Variants in HAND1 observed in about 807,000 individuals in gnomAD.
The protein encoded by HAND1 is heart- and neural crest derivatives-expressed protein 1.
Under a neutral mutation model 14.5 loss-of-function variants are expected in HAND1, and 10 were observed. That is an observed-to-expected ratio of 0.69 (90% CI 0.42 to 1.17). The LOEUF is 1.17. HAND1 is among the 50% of genes most tolerant of loss of function. The pLI is 0.00. For missense variants in HAND1, 299 were observed against 298.4 expected, an observed-to-expected ratio of 1.00 and a Z score of -0.01; for synonymous variants, 128 against 127.1, an observed-to-expected ratio of 1.01 and a Z score of -0.05.
rs753714358 is a variant in HAND1 at position 154,477,718 on chromosome 5, GC to G, written c.290del (p.Gly97AlafsTer42). On this transcript the variant is annotated frameshift_variant, in exon 1 of 2. Transcript: ENST00000231121. LOFTEE classifies it high-confidence loss of function. ...ALGGRLGRRK[G>X]SGPKKERRRT... ...GTCTCCGCTCCTTCTTGGGTCCTGA[GC>G]CTTTCCGCCGGCCAAGACGGCCGCC... The G allele has an allele frequency of 6.2e-7, 1 of 1,613,764 alleles. No individual in the cohort carries two copies. The highest frequency in any genetic ancestry group is 1.1e-5 in the South Asian group (1 of 91,078).
Position 154,478,178 on chromosome 5 carries a change from T to G in HAND1, c.-170A>C. ...CGCAGCCCACTGTCTTCTTACCGGT[T>G]TCTGCCGCGGGCGAGGTCGCCGAAG... On this transcript the variant is annotated 5_prime_UTR_variant, in exon 1 of 2. Transcript: ENST00000231121. The surrounding 1 kb of genome is among the most constrained non-coding windows in gnomAD (Gnocchi z 4.5). 2.2e-5 allele frequency: 15 copies of G among 696,490 alleles called. No homozygotes were observed. The highest frequency in any genetic ancestry group is 2.9e-5 in the Non-Finnish European group (12 of 420,650). The allele number at this position is 696,490 out of a possible 1,614,324, so 43.1% of individuals were successfully genotyped here.
At position 154,477,624 on chromosome 5, in the gene HAND1, TG is replaced by T; in HGVS notation, c.384del (p.Lys129SerfsTer10). 6.2e-7 allele frequency: 1 copy of T among 1,614,206 alleles called. No individual in the cohort carries two copies. The highest frequency in any genetic ancestry group is 1.1e-5 in the South Asian group (1 of 91,084). On this transcript the variant is annotated frameshift_variant, in exon 1 of 2. Coordinates refer to ENST00000231121, the MANE Select transcript of HAND1 (RefSeq NM_004821.3). LOFTEE classifies it high-confidence loss of function. ...RECIPNVPAD[T>X]KLSKIKTLRL... ...CGCAGAGTCTTGATCTTGGAGAGCT[TG>T]GTGTCGGCCGGCACGTTGGGGATGC...
Position 154,477,949 on chromosome 5 carries a change from G to A in HAND1, c.60C>T (p.His20=). The part of the protein sequence containing the change: ...HHHHHHPHPA[H]PMLHEPFLFG... ...AGAGGAAGGGTTCGTGGAGCATGGG[G>A]TGCGCAGGGTGCGGGTGGTGATGGT... Residue 20 remains histidine (H), a synonymous_variant, in exon 1 of 2, where the codon CAC becomes CAT. Coordinates refer to ENST00000231121, the MANE Select transcript of HAND1 (RefSeq NM_004821.3). 4.4e-6 allele frequency: 7 copies of A among 1,598,460 alleles called. No individual in the cohort carries two copies. Among genetic ancestry groups the A allele is most frequent in the Non-Finnish European group, 5.9e-6 (7 of 1,179,874 alleles).
At chr5:154,476,626 C>T (rs1420993785) in intron 1 of HAND1, among the ~76,000 whole-genome samples, 2 of 152,126 alleles carry the variant, frequency 1.3e-5, no homozygotes, top group Non-Finnish European at 2.9e-5. Context: ...ACCACAGGCC[C>T]CCGCAGGTTG....
rs771047758 is a variant in HAND1 at position 154,477,600 on chromosome 5, G to T, written c.409C>A (p.Arg137Ser). 1 of 1,614,240 alleles carries T rather than the reference G, an allele frequency of 6.2e-7. No individual in the cohort carries two copies. Among genetic ancestry groups the T allele is most frequent in the Non-Finnish European group, 8.5e-7 (1 of 1,180,040 alleles). Residue 137 changes from arginine to serine, a missense_variant, in exon 1 of 2, where the codon CGC becomes AGC. Coordinates refer to ENST00000231121, the MANE Select transcript of HAND1 (RefSeq NM_004821.3). ...TAGGCGATGTAGCTGGTGGCTAGGC[G>T]CAGAGTCTTGATCTTGGAGAGCTTG... ...DTKLSKIKTL[R>S]LATSYIAYLM...
rs1463053457 is a variant in HAND1 at position 154,477,864 on chromosome 5, G to A, written c.145C>T (p.Pro49Ser). The A allele has an allele frequency of 1.2e-6, 2 of 1,601,792 alleles. No individual in the cohort carries two copies. The highest frequency in any genetic ancestry group is 1.7e-6 in the Non-Finnish European group (2 of 1,179,712). ...RPYFQSWLLS[P>S]ADAAPDFPAG... Reference sequence around the variant, plus strand: ...GGGAAGTCCGGGGCAGCGTCAGCCGGGCTCAGCAGCCAGCTCTGGAAGTAG... The same window carrying A: ...GGGAAGTCCGGGGCAGCGTCAGCCGAGCTCAGCAGCCAGCTCTGGAAGTAG... The change falls in exon 1 of 2, where the codon CCG becomes TCG. Residue 49 changes from proline to serine, a missense_variant. By Grantham distance (74) the Pro-to-Ser change is moderately conservative (BLOSUM62 -1). Transcript: ENST00000231121.
intron 1 of HAND1, 92 bp from the exon 2 acceptor site, chr5:154,476,002 G>C: frequency 4.3e-6 from 4 of 930,826 alleles, no homozygotes; most frequent in South Asian, 4.1e-5. Context: ...ATGAGGAGGA[G>C]GGGAAGGTGT....
Position 154,477,850 on chromosome 5 carries a change from G to C in HAND1, c.159C>G (p.Ala53=), listed in dbSNP as rs755852180. ...QSWLLSPADA[A]PDFPAGGPPP... ...GCGGCCCGCCCGCAGGGAAGTCCGGGGCAGCGTCAGCCGGGCTCAGCAGCC... is the reference window on the plus strand; with the variant it reads ...GCGGCCCGCCCGCAGGGAAGTCCGGCGCAGCGTCAGCCGGGCTCAGCAGCC... The change falls in exon 1 of 2, where the codon GCC becomes GCG. Residue 53 remains alanine, a synonymous_variant. Coordinates refer to ENST00000231121, the MANE Select transcript of HAND1 (RefSeq NM_004821.3). 1.1e-5 allele frequency: 17 copies of C among 1,601,566 alleles called. No homozygotes were observed. The Admixed American group carries it at 2.3e-4, about 22-fold the overall frequency.
chr5:154,477,428 T>G, intron 1 of HAND1, 38 bp downstream of exon 1: 1 of 1,523,004 alleles, frequency 6.6e-7, no homozygotes, highest in Non-Finnish European at 9.1e-7. Context: ...TCACCGCTCC[T>G]GCACCCTTGG....
At position 154,476,976 on chromosome 5, in the gene HAND1, G is replaced by A. The variant is rs980290779; in HGVS notation, c.543+490C>T. Among the ~76,000 whole-genome samples, 3 of 152,178 alleles carry A rather than the reference G, an allele frequency of 2.0e-5. 1 individual carries two copies. The highest frequency in any genetic ancestry group is 7.2e-5 in the African/African-American group (3 of 41,436). Reference sequence around the variant, plus strand: ...ACCTCCACCCTGGACTCCTCAGATAGGTGCTTTTCCTGCCCCGACCCACTC... The same window carrying A: ...ACCTCCACCCTGGACTCCTCAGATAAGTGCTTTTCCTGCCCCGACCCACTC... On this transcript the variant is annotated intron_variant, in intron 1 of 1. Coordinates refer to ENST00000231121, the MANE Select transcript of HAND1 (RefSeq NM_004821.3).
At position 154,477,861 on chromosome 5, in the gene HAND1, C is replaced by G. The variant is rs1468987419; in HGVS notation, c.148G>C (p.Ala50Pro). 1 of 1,601,578 alleles carries G rather than the reference C, an allele frequency of 6.2e-7. No homozygotes were observed. Among genetic ancestry groups the G allele is most frequent in the African/African-American group, 1.3e-5 (1 of 74,998 alleles). Residue 50 changes from alanine (A) to proline (P), a missense_variant, in exon 1 of 2, where the codon GCT becomes CCT. Ala to Pro is a conservative substitution (Grantham distance 27). Transcript: ENST00000231121. ...PYFQSWLLSP[A>P]DAAPDFPAGG... is the part of the protein sequence containing the mutation. The stretch of plus-strand genomic sequence containing the variant: ...GCAGGGAAGTCCGGGGCAGCGTCAG[C>G]CGGGCTCAGCAGCCAGCTCTGGAAG...
rs1757536129 is a variant in HAND1, at chr5:154,476,031, G to A, written c.544-121C>T. 28 of 760,976 alleles carry A rather than the reference G, an allele frequency of 3.7e-5. 1 individual carries two copies. In the South Asian group the frequency reaches 4.1e-4, roughly 11 times the overall value. 47.1% of individuals were successfully genotyped at this position (760,976 alleles called of 1,614,324 possible). On this transcript the variant is annotated intron_variant, in intron 1 of 1. Coordinates refer to ENST00000231121, the MANE Select transcript of HAND1 (RefSeq NM_004821.3). ...AAGGTGTCGGGAGCAGTAACTGGGA[G>A]TCTTTAAATAAGTGACGGATTTCTG...
chr5:154,477,805 G>A lies in HAND1; in HGVS notation c.204C>T (p.Ala68=), dbSNP rs746848071. 2.3e-5 allele frequency: 37 copies of A among 1,588,000 alleles called. No individual in the cohort carries two copies. The South Asian group carries it at 3.8e-4, about 16-fold the overall frequency. Reference sequence around the variant, plus strand: ...TGGCGTCAGGACCATAGGCGGTGGCGGCTGCAGCGGCCGCGGGCGGCGGCC... The same window carrying A: ...TGGCGTCAGGACCATAGGCGGTGGCAGCTGCAGCGGCCGCGGGCGGCGGCC... ...AGGPPPAAAA[A]ATAYGPDARP... The change falls in exon 1 of 2, where the codon GCC becomes GCT. Residue 68 remains alanine, a synonymous_variant. Transcript: ENST00000231121.
Position 154,477,635 on chromosome 5 carries a change from G to T in HAND1, c.374C>A (p.Pro125Gln). ...GATCTTGGAGAGCTTGGTGTCGGCCGGCACGTTGGGGATGCACTCGCGCAA... is the reference window on the plus strand; with the variant it reads ...GATCTTGGAGAGCTTGGTGTCGGCCTGCACGTTGGGGATGCACTCGCGCAA... ...AELRECIPNV[P>Q]ADTKLSKIKT... The change falls in exon 1 of 2, where the codon CCG becomes CAG. Residue 125 changes from proline (P) to glutamine (Q), a missense_variant. Transcript: ENST00000231121. 1.2e-6 allele frequency: 2 copies of T among 1,614,234 alleles called. No homozygotes were observed. The highest frequency in any genetic ancestry group is 1.7e-6 in the Non-Finnish European group (2 of 1,180,040).
Position 154,478,187 on chromosome 5 carries a change from G to A in HAND1, c.-179C>T. ...CTGTCTTCTTACCGGTTTCTGCCGC[G>A]GGCGAGGTCGCCGAAGCCCAAAGAC... On this transcript the variant is annotated 5_prime_UTR_variant, in exon 1 of 2. Transcript: ENST00000231121. The surrounding 1 kb of genome is among the most constrained non-coding windows in gnomAD (Gnocchi z 4.5). 1 of 690,762 alleles carries A rather than the reference G, an allele frequency of 1.4e-6. No individual in the cohort carries two copies. The highest frequency in any genetic ancestry group is 1.8e-5 in the South Asian group (1 of 54,568). The allele number at this position is 690,762 out of a possible 1,614,324, so 42.8% of individuals were successfully genotyped here.
chr5:154,478,130 C>T lies in HAND1; in HGVS notation c.-122G>A. ...ACTGGGCGCCGGCTTTGGGAGAGTC[C>T]GGGCAAGGCTGAAAATGAGACGCGC... is the stretch of plus-strand genomic sequence containing the variant. On this transcript the variant is annotated 5_prime_UTR_variant, in exon 1 of 2. Transcript: ENST00000231121. This position sits in a 1 kb window ranked among gnomAD's most constrained non-coding sequence, Gnocchi z 4.5. The T allele has an allele frequency of 9.2e-7, 1 of 1,089,370 alleles. No homozygotes were observed. The highest frequency in any genetic ancestry group is 1.3e-6 in the Non-Finnish European group (1 of 741,904). The allele number at this position is 1,089,370 out of a possible 1,614,324, so 67.5% of individuals were successfully genotyped here.
chr5:154,477,642 T>G lies in HAND1; in HGVS notation c.367A>C (p.Asn123His). 1 of 1,614,178 alleles carries G rather than the reference T, an allele frequency of 6.2e-7. No homozygotes were observed. Among genetic ancestry groups the G allele is most frequent in the Non-Finnish European group, 8.5e-7 (1 of 1,180,020 alleles). The change falls in exon 1 of 2, where the codon AAC (asparagine) becomes CAC (histidine). Residue 123 changes from asparagine (N) to histidine (H), a missense_variant. Coordinates refer to ENST00000231121, the MANE Select transcript of HAND1 (RefSeq NM_004821.3). ...AFAELRECIP[N>H]VPADTKLSKI... ...GAGAGCTTGGTGTCGGCCGGCACGT[T>G]GGGGATGCACTCGCGCAACTCCGCG... is the stretch of plus-strand genomic sequence containing the variant.
chr5:154,475,867 T>G lies in HAND1; in HGVS notation c.587A>C (p.Lys196Thr). 1 of 1,614,084 alleles carries G rather than the reference T, an allele frequency of 6.2e-7. No individual in the cohort carries two copies. The highest frequency in any genetic ancestry group is 1.3e-5 in the African/African-American group (1 of 75,030). ...GFPPALGPVE[K>T]RIKGRTGWPQ... ...CCAGCCGGTGCGTCCTTTAATCCTC[T>G]TCTCGACTGGGCCCAGGGCAGGAGG... The change falls in exon 2 of 2, where the codon AAG (lysine) becomes ACG (threonine). Residue 196 changes from lysine to threonine, a missense_variant. Transcript: ENST00000231121.
chr5:154,477,381 A>T, intron 1 of HAND1, 85 bp downstream of exon 1: 1 of 1,080,222 alleles, frequency 9.3e-7, no homozygotes, highest in Non-Finnish European at 1.4e-6. Context: ...ACAGGACAAC[A>T]CAGCCTCCTT....
Sources: gnomAD v4.1 joint callset for allele counts (sites outside exome capture counted in the v4.1 genomes callset) on GRCh38, gnomAD v4.1.1 for gene constraint, Gnocchi (gnomAD v3.1) non-coding constraint, MANE v1.5 for transcripts, NCBI Gene and HGNC (gene_info 2026-07-23, HGNC 2026-07-21) for gene names.